ATE1: variants seen among roughly 807,000 people sequenced by gnomAD.
ATE1 encodes arginyl-tRNA--protein transferase 1.
In ATE1, 36 loss-of-function variants were observed where a neutral mutation model predicts 70.5. That is an observed-to-expected ratio of 0.51 (90% confidence interval 0.39 to 0.67). The LOEUF (loss-of-function observed/expected upper bound fraction) is 0.67, where lower values mean the gene tolerates loss of function less well. Among genes scored for constraint, ATE1 ranks in the 30% least tolerant of loss-of-function variants. The pLI is 0.00. For missense variants in ATE1, 593 were observed against 629.5 expected (o/e 0.94, Z 0.62); for synonymous variants, 232 against 219.3 (o/e 1.06, Z -0.51).
intron 7 of ATE1, among the ~76,000 whole-genome samples, chr10:121,887,230 CTCCTT>C (rs541632489): frequency 7.8e-4 from 119 of 152,306 alleles, no homozygotes; most frequent in South Asian, 1.7e-3. Flanking sequence ...CTTCCACCGT[CTCCTT>C]TCAAGTCTCC....
At chr10:121,856,725 T>G (rs1366676198) in intron 8 of ATE1, among the ~76,000 whole-genome samples, 1 of 152,206 alleles carries the variant, frequency 6.6e-6, no homozygotes, top group Non-Finnish European at 1.5e-5. Flanking sequence ...TTTAAAAATA[T>G]TTCAGTGCCA....
chr10:121,743,647 C>A lies in ATE1; in HGVS notation c.*33G>T, dbSNP rs979329477. On this transcript the variant is annotated 3_prime_UTR_variant, in exon 12 of 12. Transcript: ENST00000224652. ...TGTATCCTGGCACAAATCATCAGCA[C>A]AACACAGGAACTTCCCGGCAGAGGT... 2 of 1,561,876 alleles carry A rather than the reference C, an allele frequency of 1.3e-6. No individual in the cohort carries two copies. The highest frequency in any genetic ancestry group is 1.4e-5 in the African/African-American group (1 of 73,300).
At chr10:121,802,903 G>T (rs1361570520) in intron 10 of ATE1, among the ~76,000 whole-genome samples, 1 of 152,080 alleles carries the variant, frequency 6.6e-6, no homozygotes, top group Non-Finnish European at 1.5e-5. Context: ...CAAACTTTAA[G>T]GAAATAATCA....
At chr10:121,777,347 A>G (rs1443850723) in intron 11 of ATE1, among the ~76,000 whole-genome samples, 1 of 152,254 alleles carries the variant, frequency 6.6e-6, no homozygotes, top group Non-Finnish European at 1.5e-5. Flanking sequence ...AGAAAACGTC[A>G]TGAGCAATAT....
rs1281468791 is a variant in ATE1, at chr10:121,899,983, C to T, written c.825G>A (p.Val275=). Residue 275 remains valine, a synonymous_variant, in exon 7 of 12, where the codon GTG becomes GTA. Transcript: ENST00000224652. The part of the protein sequence containing the change: ...NASHKLEVRV[V]RSSPPSSQFK... The stretch of plus-strand genomic sequence containing the variant: ...ACTGCGAACTTGGTGGAGATGATCT[C>T]ACCACCCTCACCTTCAGAAGCAGTT... 1 of 1,613,026 alleles carries T rather than the reference C, an allele frequency of 6.2e-7. No individual in the cohort carries two copies. The highest frequency in any genetic ancestry group is 1.3e-5 in the African/African-American group (1 of 74,988).
intron 9 of ATE1, among the ~76,000 whole-genome samples, chr10:121,839,528 G>T (rs1014519009): frequency 6.6e-6 from 1 of 152,128 alleles, no homozygotes; most frequent in Non-Finnish European, 1.5e-5. Flanking sequence ...TAAAACTTCT[G>T]AAGTTATGTA....
chr10:121,884,055 G>A (rs987916770), intron 7 of ATE1, among the ~76,000 whole-genome samples: 1 of 122,522 alleles, frequency 8.2e-6, no homozygotes, highest in South Asian at 2.9e-4. Context: ...GCAGTGAGCC[G>A]AGATGGCACC....
At chr10:121,808,183 C>T (rs1055164772) in intron 10 of ATE1, among the ~76,000 whole-genome samples, 2 of 152,112 alleles carry the variant, frequency 1.3e-5, no homozygotes, top group East Asian at 1.9e-4. Context: ...TGTAGATGTA[C>T]GAATGTTTCT....
intron 11 of ATE1, among the ~76,000 whole-genome samples, chr10:121,771,262 G>C (rs1945506549): frequency 6.6e-6 from 1 of 151,924 alleles, no homozygotes; most frequent in African/African-American, 2.4e-5. Context: ...GTAGAGACGG[G>C]GTTTCACCAT....
chr10:121,864,790 T>C (rs11200201), intron 8 of ATE1, among the ~76,000 whole-genome samples: 21,156 of 152,100 alleles, frequency 0.14, 1,592 homozygotes, highest in East Asian at 0.19. Context: ...CAGGAAGCTA[T>C]TTTGTCCCCC....
intron 10 of ATE1, among the ~76,000 whole-genome samples, chr10:121,818,402 A>G (rs1012947756): frequency 2.6e-5 from 4 of 152,204 alleles, no homozygotes; most frequent in African/African-American, 9.7e-5. Flanking sequence ...CGTGAACATA[A>G]AAGCTATGTT....
chr10:121,880,094 T>C (rs907637131), intron 7 of ATE1, among the ~76,000 whole-genome samples: 6 of 152,184 alleles, frequency 3.9e-5, no homozygotes, highest in African/African-American at 1.4e-4. Context: ...TTGTTTTTAA[T>C]GCCATCTGGT....
At chr10:121,787,023 A>T (rs1399386170) in intron 11 of ATE1, among the ~76,000 whole-genome samples, 11 of 152,164 alleles carry the variant, frequency 7.2e-5, no homozygotes, top group Admixed American at 7.2e-4. Context: ...GAACAAAAGG[A>T]TTTCTTTAGA....
chr10:121,879,268 C>T (rs11200208), intron 7 of ATE1, among the ~76,000 whole-genome samples: 46,113 of 151,974 alleles, frequency 0.3, 7,338 homozygotes, highest in South Asian at 0.43. Flanking sequence ...CAGCTATGCA[C>T]AAAGTGCATG....
At chr10:121,820,851 C>T (rs1427400775) in intron 10 of ATE1, among the ~76,000 whole-genome samples, 1 of 152,218 alleles carries the variant, frequency 6.6e-6, no homozygotes, top group African/African-American at 2.4e-5. Context: ...ATCAGTCCTG[C>T]ACCCTGTCTC....
At chr10:121,844,942 T>C (rs1367823637) in intron 8 of ATE1, among the ~76,000 whole-genome samples, 3 of 152,080 alleles carry the variant, frequency 2.0e-5, no homozygotes, top group Non-Finnish European at 4.4e-5. Flanking sequence ...GCAACCCCAC[T>C]AGAAAGTCTA....
At chr10:121,747,698 T>C (rs569316374) in intron 11 of ATE1, among the ~76,000 whole-genome samples, 29 of 152,204 alleles carry the variant, frequency 1.9e-4, no homozygotes, top group Non-Finnish European at 3.5e-4. Context: ...TTGAAGTGGT[T>C]TTGGTGTTCC....
intron 7 of ATE1, among the ~76,000 whole-genome samples, chr10:121,896,563 C>A (rs1332910141): frequency 6.6e-6 from 1 of 152,104 alleles, no homozygotes; most frequent in Non-Finnish European, 1.5e-5. Flanking sequence ...AATCCCAGCA[C>A]TTTGGGAGGC....
intron 7 of ATE1, among the ~76,000 whole-genome samples, chr10:121,877,953 T>C (rs1292675418): frequency 6.6e-6 from 1 of 152,236 alleles, no homozygotes; most frequent in African/African-American, 2.4e-5. Flanking sequence ...AGCAACTTTA[T>C]TCGTAACAGG....
Sources: allele counts gnomAD v4.1 joint callset (sites outside exome capture counted in the v4.1 genomes callset), GRCh38; gene constraint gnomAD v4.1.1; transcripts MANE v1.5; gene names NCBI Gene and HGNC (gene_info 2026-07-23, HGNC 2026-07-21).